The following KRT80 variants were observed in gnomAD, a reference collection of about 807,000 sequenced individuals.
KRT80 encodes the protein keratin, type II cytoskeletal 80.
KRT80 carries 36 observed loss-of-function variants against 51.5 expected under a neutral mutation model. That is an observed-to-expected ratio of 0.70 (90% CI 0.54 to 0.92). The LOEUF (loss-of-function observed/expected upper bound fraction) is 0.92, where lower values mean the gene tolerates loss of function less well. Ranked by LOEUF, KRT80 falls within the 40% of genes least tolerant of loss-of-function variation. The pLI is 0.00. For synonymous variants in KRT80, 235 were observed against 248.3 expected, an observed-to-expected ratio of 0.95 and a Z score of 0.50; for missense variants, 566 against 591.7, an observed-to-expected ratio of 0.96 and a Z score of 0.45.
At chr12:52,171,582 A>AC (rs750403026) in intron 8 of KRT80, 60 bp from the exon 9 acceptor site, 2 of 1,612,756 alleles carry the variant, frequency 1.2e-6, no homozygotes, top group Non-Finnish European at 1.7e-6. Flanking sequence ...GCCACTTAAA[A>AC]TGATGCCTTT....
chr12:52,179,334 G>A (rs1354917496), intron 4 of KRT80, among the ~76,000 whole-genome samples: 1 of 152,242 alleles, frequency 6.6e-6, no homozygotes, highest in Non-Finnish European at 1.5e-5. Context: ...CCCAGCCAGT[G>A]GGCATGGTGC....
chr12:52,173,620 C>T lies in KRT80; in HGVS notation c.811G>A (p.Glu271Lys), dbSNP rs148980872. The T allele has an allele frequency of 3.7e-4, 600 of 1,612,742 alleles. 2 individuals are homozygous for T. Among genetic ancestry groups the T allele is most frequent in the Non-Finnish European group, 4.9e-4 (576 of 1,179,980 alleles). ...CCCACCTGGCTCCGAGAGTATGCCT[C>T]GGCCTCCTCCAGGCTGCGAGCCGCG... Reference protein sequence around the residue: ...AVAARSLEEAEAYSRSQLEEQ... With the variant: ...AVAARSLEEAKAYSRSQLEEQ... Residue 271 changes from glutamate (E) to lysine (K), a missense_variant, in exon 5 of 9, where the codon GAG becomes AAG. Coordinates refer to ENST00000394815, the MANE Select transcript of KRT80 (RefSeq NM_182507.3).
intron 3 of KRT80, 25 bp downstream of exon 3, chr12:52,180,878 C>T (rs1941309288): frequency 1.2e-6 from 2 of 1,605,214 alleles, no homozygotes; most frequent in South Asian, 2.2e-5. Context: ...AGGAAGGAGC[C>T]CCTGGGGCAG....
intron 1 of KRT80, 60 bp from the exon 2 acceptor site, chr12:52,185,647 C>G: frequency 6.4e-7 from 1 of 1,568,348 alleles, no homozygotes; most frequent in Non-Finnish European, 8.6e-7. Flanking sequence ...GCTGAGGCCC[C>G]GGGCTGACCA....
chr12:52,185,468 C>T lies in KRT80; in HGVS notation c.420G>A (p.Gln140=). The stretch of plus-strand genomic sequence containing the variant: ...CCTGGCTCACTTTGCGCAGTTCCTC[C>T]TGCAGCCGGCCCTGATATTCCTCAT... ...HLYEEYQGRL[Q]EELRKVSQER... Residue 140 remains glutamine, a synonymous_variant, in exon 2 of 9, where the codon CAG becomes CAA. Coordinates refer to ENST00000394815, the MANE Select transcript of KRT80 (RefSeq NM_182507.3). 1.2e-6 allele frequency: 2 copies of T among 1,614,112 alleles called. No individual in the cohort carries two copies. Among genetic ancestry groups the T allele is most frequent in the South Asian group, 2.2e-5 (2 of 91,086 alleles).
intron 4 of KRT80, among the ~76,000 whole-genome samples, chr12:52,179,496 G>A (rs1282786946): frequency 2.0e-5 from 3 of 152,314 alleles, no homozygotes; most frequent in South Asian, 2.1e-4. Flanking sequence ...GCTACCTCTC[G>A]TGGCCACAAA....
intron 1 of KRT80, among the ~76,000 whole-genome samples, chr12:52,187,599 T>C (rs1375543003): frequency 1.3e-5 from 2 of 152,234 alleles, no homozygotes; most frequent in Admixed American, 1.3e-4. Flanking sequence ...TACTGGATGA[T>C]GGCGTTTGAC....
rs1941392447 is a variant in KRT80 at position 52,185,584 on chromosome 12, G to C, written c.304C>G (p.Gln102Glu). 6.2e-7 allele frequency: 1 copy of C among 1,607,372 alleles called. No individual in the cohort carries two copies. Among genetic ancestry groups the C allele is most frequent in the East Asian group, 2.2e-5 (1 of 44,866 alleles). ...DKFASLIGKV[Q>E]ALEQRNQLLE... ...AGCTGGTTGCGCTGTTCCAGGGCTTGCACCTGGGAGAGCAGGAAGGCGGCG... is the reference window on the plus strand; with the variant it reads ...AGCTGGTTGCGCTGTTCCAGGGCTTCCACCTGGGAGAGCAGGAAGGCGGCG... The change falls in exon 2 of 9, where the codon CAA becomes GAA. Residue 102 changes from glutamine to glutamate, a missense_variant. Transcript: ENST00000394815.
chr12:52,182,133 TGG>T, intron 2 of KRT80, among the ~76,000 whole-genome samples: 1 of 152,292 alleles, frequency 6.6e-6, no homozygotes, highest in African/African-American at 2.4e-5. Flanking sequence ...GCCACTGCCT[TGG>T]CTGCCAAGAG....
At chr12:52,173,566 G>C in intron 5 of KRT80, 34 bp downstream of exon 5, 3 of 1,605,400 alleles carry the variant, frequency 1.9e-6, no homozygotes, top group Non-Finnish European at 2.5e-6. Context: ...GAACTGTCCA[G>C]GCTGCTTCTC....
At chr12:52,187,160 G>T (rs574683647) in intron 1 of KRT80, among the ~76,000 whole-genome samples, 2 of 152,244 alleles carry the variant, frequency 1.3e-5, no homozygotes, top group Non-Finnish European at 2.9e-5. Flanking sequence ...CCTGGCTCCC[G>T]TCAGTGTGGG....
chr12:52,172,072 C>A, intron 7 of KRT80, 126 bp downstream of exon 7: 1 of 1,042,912 alleles, frequency 9.6e-7, no homozygotes, highest in South Asian at 1.6e-5. Flanking sequence ...AGTGACTAAG[C>A]CAAGACTTAA....
intron 1 of KRT80, among the ~76,000 whole-genome samples, chr12:52,186,355 C>T (rs1941403633): frequency 6.6e-6 from 1 of 152,164 alleles, no homozygotes; most frequent in Non-Finnish European, 1.5e-5. Flanking sequence ...TTGTCCTGAG[C>T]CACTACTCTC....
chr12:52,185,105 A>G (rs945643749), intron 2 of KRT80, among the ~76,000 whole-genome samples: 4 of 152,202 alleles, frequency 2.6e-5, no homozygotes, highest in African/African-American at 9.7e-5. Context: ...GATGATGCCC[A>G]AGGGCCAGCA....
At chr12:52,172,603 A>C (rs960762691) in intron 6 of KRT80, among the ~76,000 whole-genome samples, 185 bp from the exon 7 acceptor site, 1 of 152,052 alleles carries the variant, frequency 6.6e-6, no homozygotes, top group African/African-American at 2.4e-5. Context: ...CTGAAGAGGC[A>C]CCTTCCCAAG....
chr12:52,185,854 G>T (rs1261692255), intron 1 of KRT80: 3 of 566,968 alleles, frequency 5.3e-6, no homozygotes, highest in East Asian at 3.6e-5. Flanking sequence ...GCAGAGGAAG[G>T]GGGTAAGAGG....
In KRT80 at chr12:52,173,068, C is replaced by A. The variant is rs759408459; in HGVS notation, c.927G>T (p.Leu309=). The A allele has an allele frequency of 1.2e-6, 2 of 1,612,744 alleles. No individual in the cohort carries two copies. The highest frequency in any genetic ancestry group is 8.5e-7 in the Non-Finnish European group (1 of 1,178,962). ...IADLNVRIQK[L]RSQILSVKSH... ...TCTTGACAGAGAGGATCTGGGACCG[C>A]AGCTTCTGGATGCGCACATTGAGAT... Residue 309 remains leucine, a synonymous_variant, in exon 6 of 9, where the codon CTG becomes CTT. Transcript: ENST00000394815.
At chr12:52,186,455 C>T (rs1455613528) in intron 1 of KRT80, among the ~76,000 whole-genome samples, 2 of 152,142 alleles carry the variant, frequency 1.3e-5, no homozygotes, top group Non-Finnish European at 2.9e-5. Flanking sequence ...CCAGGCCTTG[C>T]TCTACATGCT....
intron 4 of KRT80, among the ~76,000 whole-genome samples, chr12:52,175,626 C>T (rs985856288): frequency 6.6e-5 from 10 of 152,080 alleles, no homozygotes; most frequent in Admixed American, 1.3e-4. Flanking sequence ...AAGGATGGTG[C>T]GGTAGTGGCG....
Sources: allele counts gnomAD v4.1 joint callset (sites outside exome capture counted in the v4.1 genomes callset), GRCh38; gene constraint gnomAD v4.1.1; transcripts MANE v1.5; gene names NCBI Gene and HGNC (gene_info 2026-07-23, HGNC 2026-07-21).